The following ADAM8 variants were observed in gnomAD, a reference collection of about 807,000 sequenced individuals.
The protein encoded by ADAM8 is ADAM metallopeptidase domain 8.
ADAM8 carries 104 observed loss-of-function variants against 102.4 expected under a neutral mutation model. The observed-to-expected ratio is 1.02, with a 90% CI of 0.87 to 1.20. The LOEUF is 1.20. ADAM8 is among the 50% of genes most tolerant of loss of function. The probability of loss-of-function intolerance (pLI) is 0.00; values close to 1 mark genes in which losing one functional copy is unlikely to be tolerated. For synonymous variants in ADAM8, 517 were observed against 485.2 expected (o/e 1.07, Z -0.86); for missense variants, 1,132 against 1,159.0 (o/e 0.98, Z 0.34).
At chr10:133,269,575 A>T (rs1202276607) in intron 17 of ADAM8, 46 bp from the exon 18 acceptor site, 8 of 1,516,764 alleles carry the variant, frequency 5.3e-6, no homozygotes, top group Non-Finnish European at 7.1e-6. Flanking sequence ...GTGGACCCCA[A>T]GGGGCCGTGG....
rs757636021 is a variant in ADAM8 at position 133,268,857 on chromosome 10, C to T, written c.1954G>A (p.Gly652Arg). ...ACCACCACGAAGACGGGGAGGCTCC[C>T]GGACGCTGTGGGACACACGGCCCCA... The part of the protein sequence containing the change: ...KLLTEVHAAS[G>R]SLPVFVVVVL... The change falls in exon 19 of 23, where the codon GGG becomes AGG. Residue 652 changes from glycine to arginine, a missense_variant. Gly to Arg is a moderately radical substitution (Grantham distance 125). Coordinates refer to ENST00000445355, the MANE Select transcript of ADAM8 (RefSeq NM_001109.5). 22 of 1,605,918 alleles carry T rather than the reference C, an allele frequency of 1.4e-5. No individual in the cohort carries two copies. Among genetic ancestry groups the T allele is most frequent in the Middle Eastern group, 3.3e-4 (2 of 6,058 alleles).
intron 2 of ADAM8, among the ~76,000 whole-genome samples, chr10:133,274,595 C>T (rs1162601143): frequency 2.6e-5 from 4 of 152,000 alleles, no homozygotes; most frequent in African/African-American, 9.7e-5. Context: ...ACACGGTGCT[C>T]CTCGGTCCTC....
In ADAM8 at chr10:133,272,421, G is replaced by C. The variant is rs111777250; in HGVS notation, c.870C>G (p.Leu290=). ...TGCCCGCTCCGCCAGCTCACGTGAT[G>C]AGCTGTACGTTGTCATGCAGGTGCC... ...TRRHLHDNVQ[L]ITGVDFTGTT... is the part of the protein sequence containing the mutation. Residue 290 remains leucine (L), a synonymous_variant, in exon 9 of 23, where the codon CTC becomes CTG. Coordinates refer to ENST00000445355, the MANE Select transcript of ADAM8 (RefSeq NM_001109.5). The C allele has an allele frequency of 1.9e-6, 3 of 1,600,162 alleles. No homozygotes were observed. The highest frequency in any genetic ancestry group is 1.3e-5 in the African/African-American group (1 of 74,092).
At chr10:133,269,263 C>T (rs1198521197) in intron 18 of ADAM8, 182 bp downstream of exon 18, 3 of 898,492 alleles carry the variant, frequency 3.3e-6, no homozygotes, top group Non-Finnish European at 4.0e-6. Flanking sequence ...ACAGGGCTCT[C>T]CCCTCCTCAC....
rs776195089 is a variant in ADAM8, at chr10:133,271,857, C to T, written c.1055G>A (p.Arg352His). Residue 352 changes from arginine to histidine, a missense_variant, in exon 11 of 23, where the codon CGC becomes CAC. By Grantham distance (29) the Arg-to-His change is conservative (BLOSUM62 0). Coordinates refer to ENST00000445355, the MANE Select transcript of ADAM8 (RefSeq NM_001109.5). ...GCCGGCCTCGAAGCGTTCCTGGCAGCGGCAGCCCTGGACGTTCTCATCATG... is the reference window on the plus strand; with the variant it reads ...GCCGGCCTCGAAGCGTTCCTGGCAGTGGCAGCCCTGGACGTTCTCATCATG... ...MDHDENVQGC[R>H]CQERFEAGRC... 3.7e-5 allele frequency: 59 copies of T among 1,612,528 alleles called. No homozygotes were observed. Among genetic ancestry groups the T allele is most frequent in the Non-Finnish European group, 4.9e-5 (58 of 1,179,914 alleles).
At chr10:133,269,608 G>T in intron 17 of ADAM8, 79 bp from the exon 18 acceptor site, 1 of 1,392,884 alleles carries the variant, frequency 7.2e-7, no homozygotes, top group Non-Finnish European at 9.6e-7. Flanking sequence ...CAGCATGAGG[G>T]CCCCGGGCCA....
At chr10:133,276,277 C>CGG (rs2136097918) in intron 1 of ADAM8, among the ~76,000 whole-genome samples, 1 of 152,296 alleles carries the variant, frequency 6.6e-6, no homozygotes, top group Admixed American at 6.5e-5. Flanking sequence ...CAGCACACCC[C>CGG]AGCCCAAGTC....
chr10:133,270,791 C>T lies in ADAM8; in HGVS notation c.1579G>A (p.Glu527Lys), dbSNP rs149084614. Residue 527 changes from glutamate (E) to lysine (K), a missense_variant, in exon 15 of 23, where the codon GAG (glutamate) becomes AAG (lysine). Transcript: ENST00000445355. Reference protein sequence around the residue: ...AFWGPGGQAAEESCFSYDILP... With the variant: ...AFWGPGGQAAKESCFSYDILP... ...ATGTCATAGGAGAAGCAGGACTCCT[C>T]GGCAGCCTGCCCACCTGTGGGACCA... is the stretch of plus-strand genomic sequence containing the variant. The T allele has an allele frequency of 4.5e-5, 73 of 1,606,294 alleles. 1 individual carries two copies. The Middle Eastern group carries it at 8.3e-4, about 18-fold the overall frequency.
Position 133,269,545 on chromosome 10 carries a change from GGCT to G in ADAM8, c.1864-19_1864-17del. 6.3e-7 allele frequency: 1 copy of G among 1,583,624 alleles called. No homozygotes were observed. Among genetic ancestry groups the G allele is most frequent in the Non-Finnish European group, 8.5e-7 (1 of 1,171,218 alleles). On this transcript the variant is annotated splice_polypyrimidine_tract_variant and intron_variant, in intron 17 of 22. Transcript: ENST00000445355. ...GGTTGCACACCTGCGGGGACGGCTG[GGCT>G]CAGGGCCAACCCTGTTGTGGACCCC...
intron 8 of ADAM8, 51 bp downstream of exon 8, chr10:133,272,747 C>CG (rs974426460): frequency 1.2e-5 from 18 of 1,563,866 alleles, no homozygotes; most frequent in Non-Finnish European, 1.5e-5. Flanking sequence ...AACACCCCCC[C>CG]CACCTCCCGC....
In ADAM8 at chr10:133,272,588, G is replaced by A. The variant is rs1846575025; in HGVS notation, c.706-3C>T. ...CGGAAGTTGAGTTTCTGATATAGCT[G>A]GAGAGGTGGTGGAGTCCTGGGGGTC... On this transcript the variant is annotated splice_polypyrimidine_tract_variant and splice_region_variant and intron_variant, in intron 8 of 22. Transcript: ENST00000445355. 1 of 1,605,848 alleles carries A rather than the reference G, an allele frequency of 6.2e-7. No individual in the cohort carries two copies. The highest frequency in any genetic ancestry group is 8.5e-7 in the Non-Finnish European group (1 of 1,176,472).
chr10:133,275,902 G>A, intron 1 of ADAM8: 1 of 308,296 alleles, frequency 3.2e-6, no homozygotes, highest in Non-Finnish European at 6.0e-6. Context: ...CCGAGGGCAA[G>A]GATGAACCTT....
Position 133,272,011 on chromosome 10 carries a change from C to T in ADAM8, c.958-57G>A, listed in dbSNP as rs148297831. 3.6e-5 allele frequency: 58 copies of T among 1,589,754 alleles called. No individual in the cohort carries two copies. The African/African-American group carries it at 5.6e-4, about 15-fold the overall frequency. On this transcript the variant is annotated intron_variant, in intron 10 of 22. Transcript: ENST00000445355. ...GTGGCCAACTCCCCACGCCTGCCAC[C>T]CTCACCCCACCAGGGCCCAGGACTT...
intron 22 of ADAM8, 43 bp downstream of exon 22, chr10:133,263,645 C>CAGCCCCGTGGGGAGGCCGTGCCGTG: frequency 5.7e-6 from 1 of 175,800 alleles, no homozygotes; most frequent in Non-Finnish European, 7.8e-6. Context: ...GCCGTGCCGT[C>CAGCCCCGTGGGGAGGCCGTGCCGTG]CATTGCACAG....
rs188248547 is a variant in ADAM8, at chr10:133,274,037, A to G, written c.228-8T>C. ...CCGGAGCCCAGCAGGTCCCTGGAAA[A>G]GAAGTGCTGTGACTGCCTCGGCCCC... is the stretch of plus-strand genomic sequence containing the variant. On this transcript the variant is annotated splice_region_variant and splice_polypyrimidine_tract_variant and intron_variant, in intron 3 of 22. Transcript: ENST00000445355. 3.3e-3 allele frequency: 5,289 copies of G among 1,604,602 alleles called. 7 individuals are homozygous for G. Among genetic ancestry groups the G allele is most frequent in the Middle Eastern group, 0.011 (67 of 6,044 alleles).
chr10:133,264,910 C>T (rs58458575), intron 21 of ADAM8, among the ~76,000 whole-genome samples: 1 of 125,612 alleles, frequency 8.0e-6, no homozygotes. Context: ...CCATGCCCAG[C>T]TCCTGCTGCA....
Position 133,273,791 on chromosome 10 carries a change from G to A in ADAM8, c.354C>T (p.Ala118=), listed in dbSNP as rs115473256. Reference sequence around the variant, plus strand: ...GGCCGGCACAGGTGCTGAGGCTGGCGGCTGAGTCCGGGTACCCCTCTACGT... The same window carrying A: ...GGCCGGCACAGGTGCTGAGGCTGGCAGCTGAGTCCGGGTACCCCTCTACGT... ...QGHVEGYPDS[A]ASLSTCAGLR... The change falls in exon 5 of 23, where the codon GCC becomes GCT. Residue 118 remains alanine, a synonymous_variant. Transcript: ENST00000445355. 1.1e-3 allele frequency: 1,677 copies of A among 1,548,840 alleles called. 14 individuals carry two copies. In the African/African-American group the frequency reaches 0.019, roughly 17 times the overall value.
At chr10:133,269,625 C>T in intron 17 of ADAM8, 96 bp from the exon 18 acceptor site, 2 of 1,246,922 alleles carry the variant, frequency 1.6e-6, no homozygotes, top group Admixed American at 2.7e-5. Context: ...GCCAGCCCCA[C>T]CCCCGAGGGC....
At position 133,271,188 on chromosome 10, in the gene ADAM8, G is replaced by C. The variant is rs762432324; in HGVS notation, c.1374+12C>G. On this transcript the variant is annotated intron_variant, in intron 13 of 22. Transcript: ENST00000445355. ...TGGGCTCTGGGGGTCACTGGTGGGA[G>C]GCTGCACTCACCTTGCACTCCTGGC... 6.2e-7 allele frequency: 1 copy of C among 1,609,078 alleles called. No individual in the cohort carries two copies. The highest frequency in any genetic ancestry group is 2.2e-5 in the East Asian group (1 of 44,750).
Sources: allele counts gnomAD v4.1 joint callset (sites outside exome capture counted in the v4.1 genomes callset), GRCh38; gene constraint gnomAD v4.1.1; transcripts MANE v1.5; gene names NCBI Gene and HGNC (gene_info 2026-07-23, HGNC 2026-07-21).